The following CDH17 variants were observed in gnomAD, a reference collection of about 807,000 sequenced individuals.
CDH17 encodes the protein cadherin-17.
Under a neutral mutation model 86.3 loss-of-function variants are expected in CDH17, and 67 were observed. That is an observed-to-expected ratio of 0.78 (90% CI 0.64 to 0.95). CDH17 has a LOEUF of 0.95. CDH17 is among the 40% of genes least tolerant of loss of function. The pLI, the probability that CDH17 is intolerant of heterozygous loss-of-function variation, is 0.00. For synonymous variants in CDH17, 367 were observed against 366.4 expected, an observed-to-expected ratio of 1.00 and a Z score of -0.02; for missense variants, 993 against 1,017.6, an observed-to-expected ratio of 0.98 and a Z score of 0.33.
At chr8:94,183,005 AACC>A (rs1813511672) in intron 3 of CDH17, among the ~76,000 whole-genome samples, 1 of 152,098 alleles carries the variant, frequency 6.6e-6, no homozygotes, top group Non-Finnish European at 1.5e-5. Flanking sequence ...TTCCATTTAC[AACC>A]ACAACAAAAA....
rs564033903 is a variant in CDH17, at chr8:94,169,479, C to T, written c.1066+918G>A. Among the ~76,000 whole-genome samples the T allele has an allele frequency of 4.6e-5, 7 of 152,166 alleles. No individual in the cohort carries two copies. In the East Asian group the frequency reaches 1.4e-3, roughly 29 times the overall value. On this transcript the variant is annotated intron_variant, in intron 9 of 17. Transcript: ENST00000027335. ...GCCCACCAAGCCTCCGGGAAGGCACCCACTCTGTCAGAGGTGTGTCTGGTG... is the reference window on the plus strand; with the variant it reads ...GCCCACCAAGCCTCCGGGAAGGCACTCACTCTGTCAGAGGTGTGTCTGGTG...
intron 1 of CDH17, among the ~76,000 whole-genome samples, chr8:94,200,443 A>C (rs889598015): frequency 2.0e-5 from 3 of 151,660 alleles, no homozygotes; most frequent in Non-Finnish European, 4.4e-5. Flanking sequence ...CCTCAGATAC[A>C]AGGACTAAAT....
rs1211506786 is a variant in CDH17 at position 94,130,984 on chromosome 8, C to A, written c.2176G>T (p.Ala726Ser). Residue 726 changes from alanine to serine, a missense_variant, in exon 16 of 18, where the codon GCC becomes TCC. By Grantham distance (99) the Ala-to-Ser change is moderately conservative. Transcript: ENST00000027335. ...WEVSKINGTH[A>S]RLSTRHTEFE... is the part of the protein sequence containing the mutation. ...TCTGTGTGCCTGGTAGACAGTCGGG[C>A]ATGAGTACCTGCCAGGACAGGAAAA... The A allele has an allele frequency of 6.5e-7, 1 of 1,531,636 alleles. No homozygotes were observed. The highest frequency in any genetic ancestry group is 9.0e-7 in the Non-Finnish European group (1 of 1,105,142). The allele number at this position is 1,531,636 out of a possible 1,614,324, so 94.9% of individuals were successfully genotyped here. A position where few individuals can be genotyped will look rare whatever the true frequency, so the allele number is the denominator to read the frequency against.
intron 1 of CDH17, among the ~76,000 whole-genome samples, chr8:94,199,062 TATATATATATATATATATATA>T (rs1357801355): frequency 0.017 from 382 of 22,190 alleles, 8 homozygotes; most frequent in African/African-American, 0.044. Flanking sequence ...TATATATATA[TATATATATATATATATATATA>T]TTTTTTTTTT....
At chr8:94,210,194 G>A (rs1237463263), upstream of CDH17, among the ~76,000 whole-genome samples, 5 of 119,226 alleles carry the variant, frequency 4.2e-5, no homozygotes, top group South Asian at 5.7e-4. Context: ...TATAGACTCT[G>A]CCAGATTTTT....
chr8:94,148,328 G>A (rs977759371), intron 14 of CDH17, among the ~76,000 whole-genome samples: 3 of 152,166 alleles, frequency 2.0e-5, no homozygotes, highest in East Asian at 1.9e-4. Context: ...GATCACCTGA[G>A]GTCGGAAGTT....
chr8:94,199,078 TATATA>T (rs1218134316), intron 1 of CDH17, among the ~76,000 whole-genome samples: 209 of 11,102 alleles, frequency 0.019, 1 homozygote, highest in Non-Finnish European at 0.028. Context: ...TATATATATA[TATATA>T]TTTTTTTTTT....
chr8:94,135,273 A>G (rs1340573145), intron 15 of CDH17, among the ~76,000 whole-genome samples: 1 of 152,174 alleles, frequency 6.6e-6, no homozygotes, highest in Non-Finnish European at 1.5e-5. Flanking sequence ...AAAGTCTCCC[A>G]TGATTATTGT....
At position 94,127,590 on chromosome 8, in the gene CDH17, A is replaced by T. The variant is rs1253665558; in HGVS notation, c.*650T>A. The T allele has an allele frequency of 6.6e-6, 1 of 152,256 alleles. No individual in the cohort carries two copies. Among genetic ancestry groups the T allele is most frequent in the Non-Finnish European group, 1.5e-5 (1 of 68,038 alleles). The allele number at this position is 152,256 out of a possible 1,614,324, so 9.4% of individuals were successfully genotyped here. ...ATTCAGTGAAATACCAAAGGAGTCA[A>T]GGATGAAGGGGACACAGGATGGAAT... On this transcript the variant is annotated 3_prime_UTR_variant, in exon 18 of 18. Coordinates refer to ENST00000027335, the MANE Select transcript of CDH17 (RefSeq NM_004063.4).
At chr8:94,209,827 C>T (rs1814092106), upstream of CDH17, among the ~76,000 whole-genome samples, 1 of 152,100 alleles carries the variant, frequency 6.6e-6, no homozygotes, top group African/African-American at 2.4e-5. Flanking sequence ...TTCCTGGAAT[C>T]AAGGGCAAGC....
In CDH17 at chr8:94,195,863, C is replaced by T. The variant is rs139958770; in HGVS notation, c.-20-1158G>A. ...GCAAGCTCCGCCTCCCAGGTTTACACCATTCTCCTGCCTCAGCCTCCCAAG... is the reference window on the plus strand; with the variant it reads ...GCAAGCTCCGCCTCCCAGGTTTACATCATTCTCCTGCCTCAGCCTCCCAAG... On this transcript the variant is annotated intron_variant, in intron 1 of 17. Transcript: ENST00000027335. Among the ~76,000 whole-genome samples, 780 of 152,154 alleles carry T rather than the reference C, an allele frequency of 5.1e-3. 9 individuals are homozygous for T. The highest frequency in any genetic ancestry group is 0.017 in the African/African-American group (721 of 41,496).
chr8:94,210,621 C>T (rs1361636881), upstream of CDH17, among the ~76,000 whole-genome samples: 1 of 152,136 alleles, frequency 6.6e-6, no homozygotes, highest in Non-Finnish European at 1.5e-5. Flanking sequence ...AAAAGTGAGA[C>T]ATTGCTGGTT....
At chr8:94,176,730 C>T (rs1317628538) in intron 4 of CDH17, 51 bp from the exon 5 acceptor site, 1 of 1,556,314 alleles carries the variant, frequency 6.4e-7, no homozygotes, top group Non-Finnish European at 8.7e-7. Flanking sequence ...CTTCATGTCA[C>T]ATGCCCAAAA....
At chr8:94,202,865 G>A (rs1563591545) in intron 1 of CDH17, 1 of 224,898 alleles carries the variant, frequency 4.4e-6, no homozygotes, top group South Asian at 6.9e-5. Context: ...CTCGTACATG[G>A]CCTTTCTGGA....
upstream of CDH17, among the ~76,000 whole-genome samples, chr8:94,210,746 C>T (rs529540981): frequency 6.6e-6 from 1 of 152,192 alleles, no homozygotes; most frequent in East Asian, 1.9e-4. Context: ...GAAGGCCAGG[C>T]GCAGTGGCTC....
In CDH17 at chr8:94,128,094, A is replaced by C; in HGVS notation, c.*146T>G. On this transcript the variant is annotated 3_prime_UTR_variant, in exon 18 of 18. Transcript: ENST00000027335. Reference sequence around the variant, plus strand: ...GGCGACAGAGCAAGACTCCACCTCAAAAAAGAAATATTTAGCAAATATTAA... The same window carrying C: ...GGCGACAGAGCAAGACTCCACCTCACAAAAGAAATATTTAGCAAATATTAA... 1.6e-6 allele frequency: 1 copy of C among 625,004 alleles called. No homozygotes were observed. The highest frequency in any genetic ancestry group is 2.8e-6 in the Non-Finnish European group (1 of 358,970). 38.7% of individuals were successfully genotyped at this position (625,004 alleles called of 1,614,324 possible).
intron 2 of CDH17, among the ~76,000 whole-genome samples, chr8:94,193,354 G>A (rs1275477982): frequency 3.3e-5 from 5 of 152,286 alleles, no homozygotes; most frequent in Middle Eastern, 3.4e-3. Context: ...CCATGTGGAC[G>A]TACACACTGA....
intron 1 of CDH17, among the ~76,000 whole-genome samples, chr8:94,196,012 G>A (rs748220164): frequency 4.0e-5 from 6 of 151,674 alleles, no homozygotes; most frequent in Non-Finnish European, 8.8e-5. Flanking sequence ...TGCCTGCGTC[G>A]GCCTCCCAAA....
intron 1 of CDH17, among the ~76,000 whole-genome samples, chr8:94,202,321 C>T (rs967159331): frequency 3.3e-5 from 5 of 152,116 alleles, no homozygotes; most frequent in African/African-American, 7.2e-5. Flanking sequence ...AGGTGTGTGC[C>T]ACCATACCCG....
Sources: allele counts gnomAD v4.1 joint callset (sites outside exome capture counted in the v4.1 genomes callset), GRCh38; gene constraint gnomAD v4.1.1; transcripts MANE v1.5; gene names NCBI Gene and HGNC (gene_info 2026-07-23, HGNC 2026-07-21).